Variants in RAPGEF4 observed in about 807,000 individuals in gnomAD.
The protein encoded by RAPGEF4 is RAP guanine-nucleotide-exchange factor (GEF) 4.
In RAPGEF4, 66 loss-of-function variants were observed where a neutral mutation model predicts 147.9. That is an observed-to-expected ratio of 0.45 (90% CI 0.37 to 0.55). RAPGEF4 has a LOEUF of 0.55. Ranked by LOEUF, RAPGEF4 falls within the 20% of genes least tolerant of loss-of-function variation. RAPGEF4 has a pLI of 0.00. For synonymous variants in RAPGEF4, 419 were observed against 442.7 expected, an observed-to-expected ratio of 0.95 and a Z score of 0.67; for missense variants, 1,071 against 1,257.3, an observed-to-expected ratio of 0.85 and a Z score of 2.24.
At chr2:172,850,351 C>T (rs981227280) in intron 4 of RAPGEF4, among the ~76,000 whole-genome samples, 3 of 152,168 alleles carry the variant, frequency 2.0e-5, no homozygotes, top group Admixed American at 2.0e-4. Context: ...GGCGTGGTGG[C>T]TCATGCCTGT....
chr2:172,835,145 G>A (rs929148022), intron 4 of RAPGEF4, among the ~76,000 whole-genome samples: 8 of 152,188 alleles, frequency 5.3e-5, no homozygotes, highest in Non-Finnish European at 1.0e-4. Flanking sequence ...AATGATATGC[G>A]TCTAAGCAAG....
intron 17 of RAPGEF4, among the ~76,000 whole-genome samples, chr2:173,010,884 G>A (rs1463958225): frequency 4.6e-5 from 7 of 152,206 alleles, no homozygotes; most frequent in African/African-American, 1.7e-4. Context: ...CCTGGATTCA[G>A]CTATAAAAGA....
At chr2:172,861,489 C>G (rs2149778602) in intron 4 of RAPGEF4, among the ~76,000 whole-genome samples, 1 of 152,272 alleles carries the variant, frequency 6.6e-6, no homozygotes, top group South Asian at 2.1e-4. Context: ...ATGGGGCAGA[C>G]ACAGGAAGTG....
intron 1 of RAPGEF4, among the ~76,000 whole-genome samples, chr2:172,744,669 A>G (rs940163503): frequency 6.6e-6 from 1 of 152,172 alleles, no homozygotes; most frequent in Non-Finnish European, 1.5e-5. Flanking sequence ...TATGTCTTCT[A>G]TTATTTATTT....
At chr2:172,786,675 G>C (rs1336431230) in intron 1 of RAPGEF4, among the ~76,000 whole-genome samples, 2 of 152,140 alleles carry the variant, frequency 1.3e-5, no homozygotes, top group Admixed American at 1.3e-4. Flanking sequence ...AGAAGTTCGA[G>C]ACCAGCCTGG....
chr2:172,915,712 A>AAAG lies in RAPGEF4; in HGVS notation c.445-2088_445-2087insGAA, dbSNP rs1418904432. Among the ~76,000 whole-genome samples the AAAG allele has an allele frequency of 1.7e-3, 258 of 151,768 alleles. 3 individuals carry two copies. The highest frequency in any genetic ancestry group is 3.3e-3 in the Non-Finnish European group (224 of 67,938). The stretch of plus-strand genomic sequence containing the variant: ...GAGTGAGACCCTGTCTCAAAAAAAA[A>AAAG]AAAAAAAAGATATCTGAGTTTTGCT... On this transcript the variant is annotated intron_variant, in intron 4 of 30. Coordinates refer to ENST00000397081, the MANE Select transcript of RAPGEF4 (RefSeq NM_007023.4).
chr2:172,767,178 A>ATT (rs530659614), intron 1 of RAPGEF4, among the ~76,000 whole-genome samples: 19 of 136,966 alleles, frequency 1.4e-4, no homozygotes, highest in African/African-American at 3.8e-4. Flanking sequence ...TAAACACTCT[A>ATT]TTTTTTTTTT....
At chr2:173,026,842 T>C in intron 24 of RAPGEF4, 145 bp downstream of exon 24, 1 of 1,193,496 alleles carries the variant, frequency 8.4e-7, no homozygotes, top group East Asian at 2.5e-5. Flanking sequence ...AAATAAAGCA[T>C]GCTATAAAGC....
chr2:172,803,569 A>C (rs935992075), intron 3 of RAPGEF4, among the ~76,000 whole-genome samples: 1 of 146,560 alleles, frequency 6.8e-6, no homozygotes, highest in East Asian at 1.9e-4. Context: ...CACCATGAAG[A>C]TCTCTGACAT....
rs79559785 is a variant in RAPGEF4 at position 172,783,702 on chromosome 2, A to T, written c.66-11323A>T. Among the ~76,000 whole-genome samples, 1,199 of 151,960 alleles carry T rather than the reference A, an allele frequency of 7.9e-3. 12 individuals carry two copies. Among genetic ancestry groups the T allele is most frequent in the African/African-American group, 0.028 (1,163 of 41,438 alleles). ...GGTGCTTGCGTGTGTGTATGTATGT[A>T]TCTCTGTAGGCATGTTTATGTGGGT... On this transcript the variant is annotated intron_variant, in intron 1 of 30. Coordinates refer to ENST00000397081, the MANE Select transcript of RAPGEF4 (RefSeq NM_007023.4).
intron 10 of RAPGEF4, 30 bp from the exon 11 acceptor site, chr2:172,983,466 A>G (rs756369615): frequency 1.3e-5 from 20 of 1,576,348 alleles, no homozygotes; most frequent in African/African-American, 2.8e-5. Flanking sequence ...CCCTTTTTCC[A>G]TATTCCTTTT....
At chr2:172,778,548 T>C (rs1458991539) in intron 1 of RAPGEF4, among the ~76,000 whole-genome samples, 1 of 152,048 alleles carries the variant, frequency 6.6e-6, no homozygotes, top group Non-Finnish European at 1.5e-5. Context: ...TAATAAACCT[T>C]GTAGTTGCTG....
intron 10 of RAPGEF4, among the ~76,000 whole-genome samples, chr2:172,971,165 G>A (rs1690438281): frequency 6.6e-6 from 1 of 152,204 alleles, no homozygotes; most frequent in Non-Finnish European, 1.5e-5. Flanking sequence ...GATCTGGAGT[G>A]ACTAGGTAAA....
At position 172,959,501 on chromosome 2, in the gene RAPGEF4, G is replaced by A. The variant is rs891935058; in HGVS notation, c.538-1259G>A. 2.6e-5 allele frequency among the ~76,000 whole-genome samples: 4 copies of A among 152,036 alleles called. No individual in the cohort carries two copies. The East Asian group carries it at 7.7e-4, about 29-fold the overall frequency. On this transcript the variant is annotated intron_variant, in intron 6 of 30. Coordinates refer to ENST00000397081, the MANE Select transcript of RAPGEF4 (RefSeq NM_007023.4). ...ACCTGACATGTTTGAAGGTTCTAGG[G>A]ATGAGGACATAAACTTTTTTTTTAA... is the stretch of plus-strand genomic sequence containing the variant.
rs561076746 is a variant in RAPGEF4, at chr2:172,851,849, G to A, written c.444+37424G>A. Among the ~76,000 whole-genome samples the A allele has an allele frequency of 6.2e-4, 95 of 152,148 alleles. 2 individuals carry two copies. The South Asian group carries it at 0.019, about 31-fold the overall frequency. ...GGTGAAGATTAAAAAAGTACCTGTCGGGTACCATGCTTATTACCTGAGTGA... is the reference window on the plus strand; with the variant it reads ...GGTGAAGATTAAAAAAGTACCTGTCAGGTACCATGCTTATTACCTGAGTGA... On this transcript the variant is annotated intron_variant, in intron 4 of 30. Transcript: ENST00000397081.
intron 1 of RAPGEF4, among the ~76,000 whole-genome samples, chr2:172,776,094 C>A (rs1255211143): frequency 6.6e-6 from 1 of 152,122 alleles, no homozygotes; most frequent in Non-Finnish European, 1.5e-5. Flanking sequence ...GACATGTCAT[C>A]CTGATTTATT....
At chr2:172,814,254 A>G (rs774078223) in intron 3 of RAPGEF4, 25 bp from the exon 4 acceptor site, 110 of 1,612,370 alleles carry the variant, frequency 6.8e-5, no homozygotes, top group Admixed American at 2.7e-4. Flanking sequence ...TAATTTTCTA[A>G]TGACTAGTTT....
chr2:172,814,056 T>C (rs532943343), intron 3 of RAPGEF4, among the ~76,000 whole-genome samples: 1 of 152,168 alleles, frequency 6.6e-6, no homozygotes, highest in African/African-American at 2.4e-5. Flanking sequence ...TATCTGAGTG[T>C]CTTGCCTGGA....
At chr2:172,957,923 C>T (rs1032940245) in intron 6 of RAPGEF4, among the ~76,000 whole-genome samples, 1 of 152,184 alleles carries the variant, frequency 6.6e-6, no homozygotes, top group Non-Finnish European at 1.5e-5. Flanking sequence ...TTCCAAGGAA[C>T]CAGAAAGGGA....
Sources: gnomAD v4.1 joint callset for allele counts (sites outside exome capture counted in the v4.1 genomes callset) on GRCh38, gnomAD v4.1.1 for gene constraint, MANE v1.5 for transcripts, NCBI Gene and HGNC (gene_info 2026-07-23, HGNC 2026-07-21) for gene names.